WWOX: variants seen among roughly 807,000 people sequenced by gnomAD.
WWOX encodes the protein WW domain-containing oxidoreductase.
In WWOX, 69 loss-of-function variants were observed where a neutral mutation model predicts 46.2. The ratio of observed to expected loss-of-function variants is 1.49; its 90% CI spans 1.23 to 1.82. The LOEUF (loss-of-function observed/expected upper bound fraction) is 1.82. Among genes scored for constraint, WWOX ranks in the 40% most tolerant of loss-of-function variants. WWOX has a pLI of 0.00. For synonymous variants in WWOX, 359 were observed against 202.6 expected, an observed-to-expected ratio of 1.77 and a Z score of -6.56; for missense variants, 919 against 542.6, an observed-to-expected ratio of 1.69 and a Z score of -6.89.
intron 8 of WWOX, among the ~76,000 whole-genome samples, chr16:78,783,443 T>G (rs1461763199): frequency 6.6e-6 from 1 of 152,172 alleles, no homozygotes; most frequent in Non-Finnish European, 1.5e-5. Context: ...TACCCACAAC[T>G]CAGCTTTATT....
intron 8 of WWOX, among the ~76,000 whole-genome samples, chr16:78,493,031 G>C (rs1161033317): frequency 6.6e-6 from 1 of 152,148 alleles, no homozygotes; most frequent in Non-Finnish European, 1.5e-5. Flanking sequence ...GTGACGTTTT[G>C]ATGAAAACAG....
chr16:79,160,100 C>T (rs1312474773), intron 8 of WWOX, among the ~76,000 whole-genome samples: 2 of 152,226 alleles, frequency 1.3e-5, no homozygotes, highest in Non-Finnish European at 2.9e-5. Context: ...GCATCAAGCA[C>T]ATTGTCTAAA....
intron 8 of WWOX, among the ~76,000 whole-genome samples, chr16:78,793,861 A>T (rs2050671460): frequency 6.6e-6 from 1 of 152,056 alleles, no homozygotes; most frequent in African/African-American, 2.4e-5. Flanking sequence ...GAATCATTTG[A>T]GGGCAGGAGT....
At chr16:78,286,769 G>C (rs4581713) in intron 5 of WWOX, among the ~76,000 whole-genome samples, 42,131 of 151,774 alleles carry the variant, frequency 0.28, 6,334 homozygotes, top group East Asian at 0.39. Flanking sequence ...ACCTATTAGA[G>C]CATCATAAAA....
chr16:78,210,115 A>G (rs909317883), intron 5 of WWOX, among the ~76,000 whole-genome samples: 2 of 152,174 alleles, frequency 1.3e-5, no homozygotes, highest in Admixed American at 6.5e-5. Flanking sequence ...AGCTTCATCT[A>G]TTTTGTCATG....
intron 8 of WWOX, among the ~76,000 whole-genome samples, chr16:78,473,276 C>T (rs537906301): frequency 4.6e-5 from 7 of 152,194 alleles, no homozygotes; most frequent in South Asian, 2.1e-4. Context: ...AGTATAGACA[C>T]GTGGCACCAC....
At chr16:78,635,564 C>T (rs906128219) in intron 8 of WWOX, among the ~76,000 whole-genome samples, 26 of 152,266 alleles carry the variant, frequency 1.7e-4, no homozygotes, top group African/African-American at 5.3e-4. Context: ...CCTCTCTGCG[C>T]CTCAGTTTCT....
At chr16:79,174,968 G>A (rs1166112189) in intron 8 of WWOX, among the ~76,000 whole-genome samples, 2 of 152,140 alleles carry the variant, frequency 1.3e-5, no homozygotes, top group East Asian at 3.9e-4. Context: ...TTACCTGGAT[G>A]TGTCTTATAT....
intron 8 of WWOX, among the ~76,000 whole-genome samples, chr16:78,621,229 A>G (rs922808183): frequency 2.0e-5 from 3 of 152,200 alleles, no homozygotes; most frequent in African/African-American, 7.2e-5. Context: ...AAGGCTGCCA[A>G]GCTCGGTGGA....
chr16:78,915,966 A>G (rs954590909), intron 8 of WWOX, among the ~76,000 whole-genome samples: 1 of 152,224 alleles, frequency 6.6e-6, no homozygotes, highest in South Asian at 2.1e-4. Flanking sequence ...ATGAAGGCCA[A>G]TAGATGATAG....
chr16:78,693,431 A>G (rs1035522831), intron 8 of WWOX, among the ~76,000 whole-genome samples: 1 of 152,124 alleles, frequency 6.6e-6, no homozygotes, highest in Admixed American at 6.5e-5. Context: ...GCCACCCTAT[A>G]TGCCTATTTA....
chr16:78,502,648 T>C (rs967468981), intron 8 of WWOX, among the ~76,000 whole-genome samples: 1 of 152,212 alleles, frequency 6.6e-6, no homozygotes, highest in African/African-American at 2.4e-5. Flanking sequence ...TGTCCACAAG[T>C]TTCAGCATGG....
At chr16:78,865,933 T>A (rs1197196330) in intron 8 of WWOX, among the ~76,000 whole-genome samples, 1 of 152,182 alleles carries the variant, frequency 6.6e-6, no homozygotes, top group African/African-American at 2.4e-5. Context: ...ACAAATCATA[T>A]CTGTGATTGT....
intron 8 of WWOX, among the ~76,000 whole-genome samples, chr16:78,741,921 G>T (rs1010145388): frequency 1.2e-4 from 19 of 152,144 alleles, no homozygotes; most frequent in Admixed American, 1.0e-3. Context: ...ATAAACAATG[G>T]ATAATTTTTT....
chr16:78,302,029 C>T (rs1408773157), intron 5 of WWOX, among the ~76,000 whole-genome samples: 3 of 151,520 alleles, frequency 2.0e-5, no homozygotes, highest in Non-Finnish European at 4.4e-5. Context: ...GGCACAATCT[C>T]AGCTGATTGT....
intron 8 of WWOX, among the ~76,000 whole-genome samples, chr16:79,166,388 T>C (rs575776421): frequency 6.6e-6 from 1 of 152,290 alleles, no homozygotes; most frequent in East Asian, 1.9e-4. Context: ...TTTGCAGCTT[T>C]TCTTCCCTTT....
intron 8 of WWOX, among the ~76,000 whole-genome samples, chr16:78,466,080 G>T (rs1261205796): frequency 6.6e-6 from 1 of 151,772 alleles, no homozygotes. Flanking sequence ...TGCCCAGGCT[G>T]GAGTGCAGTG....
chr16:78,591,057 G>A lies in WWOX; in HGVS notation c.1056+158305G>A, dbSNP rs111490116. Among the ~76,000 whole-genome samples the A allele has an allele frequency of 2.5e-3, 378 of 152,330 alleles. 2 individuals carry two copies. The highest frequency in any genetic ancestry group is 8.6e-3 in the African/African-American group (357 of 41,572). On this transcript the variant is annotated intron_variant, in intron 8 of 8. Coordinates refer to ENST00000566780, the MANE Select transcript of WWOX (RefSeq NM_016373.4). The stretch of plus-strand genomic sequence containing the variant: ...AATGTGTTATCTGCCCTAGTCTGAA[G>A]TACAGAAGTCAGGTGGTGAGAGGTG...
At chr16:78,566,510 G>A (rs2044572059) in intron 8 of WWOX, among the ~76,000 whole-genome samples, 1 of 152,158 alleles carries the variant, frequency 6.6e-6, no homozygotes, top group African/African-American at 2.4e-5. Flanking sequence ...AAATTGTGAG[G>A]CATCCATGTG....
Sources: gnomAD v4.1 joint callset for allele counts (sites outside exome capture counted in the v4.1 genomes callset) on GRCh38, gnomAD v4.1.1 for gene constraint, MANE v1.5 for transcripts, NCBI Gene and HGNC (gene_info 2026-07-23, HGNC 2026-07-21) for gene names.